The following NUDT18 variants were observed in gnomAD, a reference collection of about 807,000 sequenced individuals.
The protein encoded by NUDT18 is 8-oxo-dGDP phosphatase NUDT18.
In NUDT18, 26 loss-of-function variants were observed where a neutral mutation model predicts 27.6. The observed-to-expected ratio is 0.94, with a 90% CI of 0.69 to 1.31. The LOEUF is 1.31. NUDT18 is among the 50% of genes most tolerant of loss of function. NUDT18 has a pLI of 0.00. For synonymous variants in NUDT18, 220 were observed against 196.9 expected (o/e 1.12, Z -0.98); for missense variants, 450 against 433.4 (o/e 1.04, Z -0.34).
chr8:22,109,010 G>A (rs1226994682), intron 1 of NUDT18, 129 bp downstream of exon 1: 3 of 603,610 alleles, frequency 5.0e-6, no homozygotes, highest in Non-Finnish European at 7.7e-6. Flanking sequence ...GAGTGGGAGT[G>A]GGAGTGCTTT....
chr8:22,109,038 C>T (rs1452100793), intron 1 of NUDT18, 101 bp downstream of exon 1: 2 of 930,708 alleles, frequency 2.1e-6, no homozygotes, highest in Admixed American at 8.5e-5. Flanking sequence ...TGGGAAGCGC[C>T]ACGCACGCGG....
chr8:22,109,522 C>G, upstream of NUDT18: 1 of 457,188 alleles, frequency 2.2e-6, no homozygotes, highest in South Asian at 2.9e-5. Context: ...GCGGCATTCA[C>G]CGAGGGGGCG....
Position 22,109,251 on chromosome 8 carries a change from TG to T in NUDT18, c.49del (p.Gln17ArgfsTer43). 7.1e-7 allele frequency: 1 copy of T among 1,415,378 alleles called. No homozygotes were observed. The highest frequency in any genetic ancestry group is 3.2e-5 in the Admixed American group (1 of 31,376). 87.7% of individuals were successfully genotyped at this position (1,415,378 alleles called of 1,614,324 possible). ...GTCGCAGCTGTGCACGCTGGACCCCTGGCCAGCCAGCACGGAAGCCAGCGCC... is the reference window on the plus strand; with the variant it reads ...GTCGCAGCTGTGCACGCTGGACCCCTGCCAGCCAGCACGGAAGCCAGCGCC... ...AGALASVLAG[Q>X]GSSVHSCDSA... is the part of the protein sequence containing the mutation. On this transcript the variant is annotated frameshift_variant, in exon 1 of 3. Coordinates refer to ENST00000611621, the MANE Select transcript of NUDT18 (RefSeq NM_024815.4). LOFTEE classifies it high-confidence loss of function.
Position 22,107,599 on chromosome 8 carries a change from C to G in NUDT18, c.673G>C (p.Glu225Gln). 1 of 1,613,270 alleles carries G rather than the reference C, an allele frequency of 6.2e-7. No homozygotes were observed. The highest frequency in any genetic ancestry group is 8.5e-7 in the Non-Finnish European group (1 of 1,179,880). Residue 225 changes from glutamate to glutamine, a missense_variant, in exon 3 of 3, where the codon GAG becomes CAG. Coordinates refer to ENST00000611621, the MANE Select transcript of NUDT18 (RefSeq NM_024815.4). ...PVTACGLDPMEQRGGMKMAVL... is the reference protein window; with the variant it reads ...PVTACGLDPMQQRGGMKMAVL... The stretch of plus-strand genomic sequence containing the variant: ...GCCATCTTCATGCCACCCCTCTGCT[C>G]CATAGGGTCGAGGCCACAGGCAGTG...
chr8:22,107,673 T>C lies in NUDT18; in HGVS notation c.599A>G (p.Gln200Arg). The change falls in exon 3 of 3, where the codon CAG becomes CGG. Residue 200 changes from glutamine to arginine, a missense_variant. Transcript: ENST00000611621. Reference protein sequence around the residue: ...QRLVATFTSAQTVWVLVGTVG... With the variant: ...QRLVATFTSARTVWVLVGTVG... ...TGTGCCCACTAACACCCACACTGTC[T>C]GGGCGCTGGTAAAGGTAGCCACGAG... 6.2e-7 allele frequency: 1 copy of C among 1,612,626 alleles called. No homozygotes were observed. Among genetic ancestry groups the C allele is most frequent in the Admixed American group, 1.7e-5 (1 of 59,968 alleles).
chr8:22,107,345 G>T lies in NUDT18; in HGVS notation c.927C>A (p.Leu309=), dbSNP rs200619453. 1.9e-6 allele frequency: 3 copies of T among 1,613,042 alleles called. No individual in the cohort carries two copies. The East Asian group carries it at 6.7e-5, about 36-fold the overall frequency. Residue 309 remains leucine (L), a synonymous_variant, in exon 3 of 3, where the codon CTC becomes CTA. Coordinates refer to ENST00000611621, the MANE Select transcript of NUDT18 (RefSeq NM_024815.4). ...CAGAGGATCCCTGAAGCCGCTGGAG[G>T]AGCTGGCTTTGCAGGTCTTCCTCCA... ...KVMEEDLQSQ[L]LQRLQGSSVV...
At chr8:22,110,290 G>A (rs1826449437), upstream of NUDT18, among the ~76,000 whole-genome samples, 1 of 152,204 alleles carries the variant, frequency 6.6e-6, no homozygotes, top group Non-Finnish European at 1.5e-5. Flanking sequence ...CAGGGTGGGG[G>A]TGGTTGTGGC....
upstream of NUDT18, chr8:22,109,577 A>G (rs747941974): frequency 5.7e-6 from 3 of 523,964 alleles, no homozygotes; most frequent in South Asian, 1.6e-5. Context: ...ACGGGTCCGG[A>G]GCCCAGCGGA....
rs1826381757 is a variant in NUDT18 at position 22,107,319 on chromosome 8, A to G, written c.953T>C (p.Val318Ala). The G allele has an allele frequency of 6.2e-7, 1 of 1,607,088 alleles. No individual in the cohort carries two copies. The highest frequency in any genetic ancestry group is 8.5e-7 in the Non-Finnish European group (1 of 1,176,628). The change falls in exon 3 of 3, where the codon GTT becomes GCT. Residue 318 changes from valine to alanine, a missense_variant. By Grantham distance (64) the Val-to-Ala change is moderately conservative. Transcript: ENST00000611621. The stretch of plus-strand genomic sequence containing the variant: ...ACCTCTCTATCTGTTCACTGGGACA[A>G]CAGAGGATCCCTGAAGCCGCTGGAG... ...QLLQRLQGSS[V>A]VPVNR
In NUDT18 at chr8:22,107,774, G is replaced by A. The variant is rs781679684; in HGVS notation, c.498C>T (p.Ala166=). The part of the protein sequence containing the change: ...AHDILHLVEL[A]AQYRQQARHP... ...GCCTGGCTTGCTGGCGATACTGGGC[G>A]GCTAGTTCAACCAGGTGCAGGATGT... The change falls in exon 3 of 3, where the codon GCC becomes GCT. Residue 166 remains alanine (A), a synonymous_variant. Transcript: ENST00000611621. The A allele has an allele frequency of 4.2e-5, 68 of 1,613,408 alleles. No homozygotes were observed. Among genetic ancestry groups the A allele is most frequent in the African/African-American group, 6.7e-5 (5 of 74,934 alleles).
upstream of NUDT18, among the ~76,000 whole-genome samples, chr8:22,110,276 AGAGCAGGGTGGGGGTGGTTGTGGC>A (rs1313639529): frequency 2.0e-4 from 30 of 152,212 alleles, no homozygotes; most frequent in Admixed American, 2.0e-4. Context: ...TGGCGCGTGG[AGAGCAGGGTGGGGGTGGTTGTGGC>A]GAGCGCCTGC....
chr8:22,108,329 G>C lies in NUDT18; in HGVS notation c.180C>G (p.Ile60Met). ...CCCGGCACTCCCTCTTGGCCTCCTGGATCAGTAGCACCTCATCCTGAGAGG... is the reference window on the plus strand; with the variant it reads ...CCCGGCACTCCCTCTTGGCCTCCTGCATCAGTAGCACCTCATCCTGAGAGG... ...FLSEQDEVLL[I>M]QEAKRECRGS... is the part of the protein sequence containing the mutation. Residue 60 changes from isoleucine (I) to methionine (M), a missense_variant, in exon 2 of 3, where the codon ATC (isoleucine) becomes ATG (methionine). Ile to Met is a conservative substitution (Grantham distance 10). Transcript: ENST00000611621. 2 of 1,579,602 alleles carry C rather than the reference G, an allele frequency of 1.3e-6. No individual in the cohort carries two copies. Among genetic ancestry groups the C allele is most frequent in the Non-Finnish European group, 1.7e-6 (2 of 1,164,650 alleles).
In NUDT18 at chr8:22,109,177, C is replaced by A. The variant is rs760002878; in HGVS notation, c.124G>T (p.Val42Leu). 11 of 1,454,162 alleles carry A rather than the reference C, an allele frequency of 7.6e-6. No individual in the cohort carries two copies. In the South Asian group the frequency reaches 1.2e-4, roughly 16 times the overall value. 90.1% of individuals were successfully genotyped at this position (1,454,162 alleles called of 1,614,324 possible). A position where few individuals can be genotyped will look rare whatever the true frequency, so the allele number is the denominator to read the frequency against. Residue 42 changes from valine (V) to leucine (L), a missense_variant, in exon 1 of 3, where the codon GTG (valine) becomes TTG (leucine). By Grantham distance (32) the Val-to-Leu change is conservative (BLOSUM62 1). Transcript: ENST00000611621. ...PPAPVRLRKN[V>L]CYVVLAVFLS... ...AACACGGCCAGCACCACGTAGCACACGTTCTTCCGCAGCCGCACGGGCGCC... is the reference window on the plus strand; with the variant it reads ...AACACGGCCAGCACCACGTAGCACAAGTTCTTCCGCAGCCGCACGGGCGCC...
chr8:22,108,494 T>TG, intron 1 of NUDT18, 148 bp from the exon 2 acceptor site: 1 of 644,782 alleles, frequency 1.6e-6, no homozygotes, highest in Non-Finnish European at 2.6e-6. Context: ...CTCGTGTCGC[T>TG]GGGGGCTGCA....
chr8:22,107,163 C>T lies in NUDT18; in HGVS notation c.*137G>A, dbSNP rs1689762599. 4 of 646,806 alleles carry T rather than the reference C, an allele frequency of 6.2e-6. No individual in the cohort carries two copies. Among genetic ancestry groups the T allele is most frequent in the Non-Finnish European group, 1.1e-5 (4 of 374,494 alleles). The allele number at this position is 646,806 out of a possible 1,614,324, so 40.1% of individuals were successfully genotyped here. On this transcript the variant is annotated 3_prime_UTR_variant, in exon 3 of 3. Transcript: ENST00000611621. ...AGGAATGCTCCTCAAAGCATCTCTC[C>T]TGGGGACCAGGAGAGCCGCCCCTGC...
chr8:22,107,858 CTCCGCA>C lies in NUDT18; in HGVS notation c.408_413del (p.Asp136_Ala137del). On this transcript the variant is annotated inframe_deletion, in exon 3 of 3. Transcript: ENST00000611621. ...GTGGGTACCAGGCAGCCTGCAGGGA[CTCCGCA>C]TCGGCCTCCTTGGAAGTCTTGAGAA... 6.2e-7 allele frequency: 1 copy of C among 1,600,820 alleles called. No individual in the cohort carries two copies. Among genetic ancestry groups the C allele is most frequent in the East Asian group, 2.2e-5 (1 of 44,678 alleles).
Position 22,107,465 on chromosome 8 carries a change from A to T in NUDT18, c.807T>A (p.Cys269Ter). ...HLGRDHSDGI[C>*]LNVLVTVAFR... ...AAGCCACGGTCACCAGCACATTCAA[A>T]CAGATGCCATCACTGTGATCTCGGC... The change falls in exon 3 of 3, where the codon TGT becomes TGA. Residue 269 changes from cysteine to a stop codon, truncating the protein, a stop_gained. Transcript: ENST00000611621. LOFTEE classifies it high-confidence loss of function. 6.2e-7 allele frequency: 1 copy of T among 1,613,266 alleles called. No individual in the cohort carries two copies. Among genetic ancestry groups the T allele is most frequent in the Non-Finnish European group, 8.5e-7 (1 of 1,179,858 alleles).
chr8:22,109,077 T>C, intron 1 of NUDT18, 62 bp downstream of exon 1: 3 of 1,281,906 alleles, frequency 2.3e-6, no homozygotes, highest in Non-Finnish European at 3.0e-6. Flanking sequence ...TTGGGTCTTC[T>C]GTCCCCACCT....
chr8:22,109,144 C>G lies in NUDT18; in HGVS notation c.157G>C (p.Glu53Gln), dbSNP rs539298217. The G allele has an allele frequency of 3.5e-6, 5 of 1,437,918 alleles. No individual in the cohort carries two copies. The South Asian group carries it at 5.5e-5, about 16-fold the overall frequency. The allele number at this position is 1,437,918 out of a possible 1,614,324, so 89.1% of individuals were successfully genotyped here. ...GCCCGGGGGCGGCCGCTCACCTGCT[C>G]GCTGAGGAACACGGCCAGCACCACG... ...CYVVLAVFLS[E>Q]QDEVLLIQEA... is the part of the protein sequence containing the mutation. Residue 53 changes from glutamate (E) to glutamine (Q), a missense_variant, in exon 1 of 3, where the codon GAG becomes CAG. Transcript: ENST00000611621.
Sources: gnomAD v4.1 joint callset for allele counts (sites outside exome capture counted in the v4.1 genomes callset) on GRCh38, gnomAD v4.1.1 for gene constraint, MANE v1.5 for transcripts, NCBI Gene and HGNC (gene_info 2026-07-23, HGNC 2026-07-21) for gene names.